Variants in SPIDR observed in about 807,000 individuals in gnomAD.
The protein encoded by SPIDR is scaffold protein involved in DNA repair, also known as DNA repair-scaffolding protein.
A neutral mutation model predicts 104.6 loss-of-function variants in SPIDR; 93 were observed. The ratio of observed to expected loss-of-function variants is 0.89; its 90% CI spans 0.75 to 1.06. The LOEUF (loss-of-function observed/expected upper bound fraction) is 1.06, where lower values mean the gene tolerates loss of function less well. SPIDR is among the 50% of genes least tolerant of loss of function. SPIDR has a pLI of 0.00. For missense variants in SPIDR, 1,154 were observed against 1,111.2 expected (o/e 1.04, Z -0.55); for synonymous variants, 431 against 416.9 (o/e 1.03, Z -0.41).
chr8:47,318,285 T>C (rs2045825872), intron 5 of SPIDR, among the ~76,000 whole-genome samples: 1 of 152,118 alleles, frequency 6.6e-6, no homozygotes, highest in South Asian at 2.1e-4. Flanking sequence ...GCATGAGAAC[T>C]ACGTGACGAA....
chr8:47,270,405 G>A (rs1039392835), intron 1 of SPIDR, among the ~76,000 whole-genome samples: 3 of 151,992 alleles, frequency 2.0e-5, no homozygotes, highest in East Asian at 1.9e-4. Flanking sequence ...TATTTAATTT[G>A]TTGGTATGTA....
intron 8 of SPIDR, among the ~76,000 whole-genome samples, chr8:47,553,254 C>T (rs943560748): frequency 1.3e-5 from 2 of 152,134 alleles, no homozygotes; most frequent in African/African-American, 4.8e-5. Flanking sequence ...GGTTGCTCTT[C>T]TCGAGGAGTG....
At chr8:47,317,793 A>G (rs2045694188) in intron 5 of SPIDR, among the ~76,000 whole-genome samples, 2 of 152,168 alleles carry the variant, frequency 1.3e-5, no homozygotes, top group Non-Finnish European at 2.9e-5. Context: ...GCTCACCGGT[A>G]TCCGCTGTTC....
chr8:47,283,624 G>A (rs1019671366), intron 2 of SPIDR, among the ~76,000 whole-genome samples: 2 of 152,058 alleles, frequency 1.3e-5, no homozygotes, highest in Non-Finnish European at 2.9e-5. Context: ...AATAAAACAA[G>A]GTATGCCTTT....
At chr8:47,613,854 CTTATTTTATT>C (rs769978998) in intron 10 of SPIDR, among the ~76,000 whole-genome samples, 17 of 151,958 alleles carry the variant, frequency 1.1e-4, no homozygotes, top group African/African-American at 3.6e-4. Context: ...TAAGAGTTTT[CTTATTTTATT>C]TTATTTTATT....
At chr8:47,294,967 C>T (rs1225505229) in intron 5 of SPIDR, among the ~76,000 whole-genome samples, 1 of 151,990 alleles carries the variant, frequency 6.6e-6, no homozygotes, top group Non-Finnish European at 1.5e-5. Context: ...CTTAGTGTTG[C>T]GTCATGTCTC....
chr8:47,432,206 A>C (rs957915278), intron 7 of SPIDR, among the ~76,000 whole-genome samples: 1 of 152,286 alleles, frequency 6.6e-6, no homozygotes, highest in African/African-American at 2.4e-5. Context: ...AAAAAACAAT[A>C]TAAACAAGTA....
Position 47,296,816 on chromosome 8 carries a change from G to C in SPIDR, c.525+2786G>C, listed in dbSNP as rs1054979853. ...TTTCGTTAGGCATTGCATTGAATCT[G>C]AATATCACTTTGGGAAGTATGAATA... On this transcript the variant is annotated intron_variant, in intron 5 of 19. Coordinates refer to ENST00000297423, the MANE Select transcript of SPIDR (RefSeq NM_001080394.4). 6.7e-4 allele frequency among the ~76,000 whole-genome samples: 102 copies of C among 152,276 alleles called. 1 individual carries two copies. Among genetic ancestry groups the C allele is most frequent in the African/African-American group, 2.4e-3 (98 of 41,554 alleles).
chr8:47,725,220 G>A (rs375960355), intron 16 of SPIDR, among the ~76,000 whole-genome samples: 67 of 152,316 alleles, frequency 4.4e-4, no homozygotes, highest in South Asian at 2.3e-3. Flanking sequence ...AGATGTGTTT[G>A]TAACTAAGCA....
intron 11 of SPIDR, among the ~76,000 whole-genome samples, chr8:47,696,819 T>G (rs1380510624): frequency 6.6e-6 from 1 of 152,212 alleles, no homozygotes; most frequent in East Asian, 1.9e-4. Flanking sequence ...GGGAGGAAGA[T>G]GAAGCTGAGA....
intron 5 of SPIDR, among the ~76,000 whole-genome samples, chr8:47,390,128 A>C (rs1435008172): frequency 1.3e-5 from 2 of 152,176 alleles, no homozygotes; most frequent in African/African-American, 4.8e-5. Context: ...AAAATTACTC[A>C]GTGATGCTGA....
chr8:47,620,531 G>A (rs867892142), intron 10 of SPIDR, among the ~76,000 whole-genome samples: 1 of 151,604 alleles, frequency 6.6e-6, no homozygotes, highest in Non-Finnish European at 1.5e-5. Context: ...GCCTCCCAAA[G>A]TGCTGGGATT....
chr8:47,556,141 A>T (rs2091295453), intron 8 of SPIDR, among the ~76,000 whole-genome samples: 1 of 152,132 alleles, frequency 6.6e-6, no homozygotes. Flanking sequence ...GGCCAAAGAG[A>T]AGCCAGCCAA....
chr8:47,311,657 A>T (rs1554585203), intron 5 of SPIDR, among the ~76,000 whole-genome samples: 1 of 152,136 alleles, frequency 6.6e-6, no homozygotes, highest in Admixed American at 6.6e-5. Context: ...ATCTCTACAA[A>T]AAGAAAAAAA....
chr8:47,660,567 G>C (rs2073942176), intron 10 of SPIDR: 2 of 974,326 alleles, frequency 2.1e-6, no homozygotes, highest in African/African-American at 1.8e-5. Context: ...CTGCTGCCTT[G>C]TTTTCCCAGT....
At chr8:47,647,237 G>A (rs184459089) in intron 10 of SPIDR, among the ~76,000 whole-genome samples, 1 of 152,242 alleles carries the variant, frequency 6.6e-6, no homozygotes, top group East Asian at 1.9e-4. Context: ...CAAGAAATAA[G>A]GGCCAAAATA....
chr8:47,458,337 T>TTTATC (rs2073358805), intron 8 of SPIDR, among the ~76,000 whole-genome samples: 1 of 131,272 alleles, frequency 7.6e-6, no homozygotes, highest in Non-Finnish European at 1.6e-5. Flanking sequence ...TTTATTTTAT[T>TTTATC]TTATTTTATT....
At chr8:47,610,986 A>G (rs898002703) in intron 10 of SPIDR, among the ~76,000 whole-genome samples, 2 of 152,212 alleles carry the variant, frequency 1.3e-5, no homozygotes, top group Non-Finnish European at 2.9e-5. Context: ...AAGTCCTCAG[A>G]GGTCAGGGGC....
chr8:47,310,194 C>T (rs587680706), intron 5 of SPIDR, among the ~76,000 whole-genome samples: 62 of 151,512 alleles, frequency 4.1e-4, no homozygotes, highest in Middle Eastern at 3.4e-3. Flanking sequence ...ATTAGCCGGG[C>T]GTGTTGGTGG....
Sources: gnomAD v4.1 joint callset for allele counts (sites outside exome capture counted in the v4.1 genomes callset) on GRCh38, gnomAD v4.1.1 for gene constraint, MANE v1.5 for transcripts, NCBI Gene and HGNC (gene_info 2026-07-23, HGNC 2026-07-21) for gene names.